The following ULK4 variants were observed in gnomAD, a reference collection of about 807,000 sequenced individuals.
ULK4 encodes unc-51 like kinase 4, also known as inactive serine/threonine-protein kinase ULK4.
A neutral mutation model predicts 160.6 loss-of-function variants in ULK4; 133 were observed. The observed-to-expected ratio is 0.83, with a 90% CI of 0.72 to 0.96. The LOEUF (loss-of-function observed/expected upper bound fraction) is 0.96. ULK4 is among the 40% of genes least tolerant of loss of function. ULK4 has a pLI of 0.00. For missense variants in ULK4, 1,580 were observed against 1,499.5 expected (o/e 1.05, Z -0.89); for synonymous variants, 534 against 539.8 (o/e 0.99, Z 0.15).
In ULK4 at chr3:41,540,059, CAG is replaced by C. The variant is rs536452557; in HGVS notation, c.3226+25964_3226+25965del. On this transcript the variant is annotated intron_variant, in intron 32 of 36. Coordinates refer to ENST00000301831, the MANE Select transcript of ULK4 (RefSeq NM_017886.4). ...ATGAAAATAAGTAATTTACAGAAAA[CAG>C]TGTTTTTTATTTATTATTATTATTA... 1.8e-4 allele frequency among the ~76,000 whole-genome samples: 27 copies of C among 152,034 alleles called. No individual in the cohort carries two copies. In the East Asian group the frequency reaches 5.2e-3, roughly 29 times the overall value.
intron 17 of ULK4, chr3:41,869,012 G>A (rs1444234753): frequency 6.6e-6 from 1 of 152,130 alleles, no homozygotes; most frequent in Non-Finnish European, 1.5e-5. Context: ...GACTAGTCAA[G>A]TGAAGCAGTG....
At chr3:41,589,604 C>G (rs2031126375) in intron 31 of ULK4, among the ~76,000 whole-genome samples, 1 of 152,024 alleles carries the variant, frequency 6.6e-6, no homozygotes, top group Admixed American at 6.5e-5. Flanking sequence ...ATGGCAATGC[C>G]TTAGAAACAG....
intron 20 of ULK4, among the ~76,000 whole-genome samples, chr3:41,792,246 A>G (rs1401941024): frequency 1.3e-5 from 2 of 152,164 alleles, no homozygotes; most frequent in Non-Finnish European, 2.9e-5. Context: ...ATTCACTTCT[A>G]AAAATCTGGT....
chr3:41,419,084 T>C (rs914872418), intron 34 of ULK4, among the ~76,000 whole-genome samples: 17 of 152,148 alleles, frequency 1.1e-4, no homozygotes, highest in African/African-American at 3.9e-4. Flanking sequence ...GATAGATTGA[T>C]AGATAAATGG....
intron 17 of ULK4, among the ~76,000 whole-genome samples, chr3:41,845,764 T>G (rs182438475): frequency 1.3e-5 from 2 of 152,178 alleles, no homozygotes; most frequent in African/African-American, 4.8e-5. Flanking sequence ...GTTTTGATAT[T>G]TGTCCCCCCC....
intron 35 of ULK4, among the ~76,000 whole-genome samples, chr3:41,265,394 A>T (rs532603341): frequency 1.3e-5 from 2 of 152,288 alleles, no homozygotes; most frequent in East Asian, 3.9e-4. Flanking sequence ...GGCCACGCAA[A>T]CTCAGTCATT....
In ULK4 at chr3:41,827,174, A is replaced by G. The variant is rs1424721137; in HGVS notation, c.1765-7668T>C. 1.4e-5 allele frequency among the ~76,000 whole-genome samples: 2 copies of G among 144,542 alleles called. 1 individual carries two copies. Among genetic ancestry groups the G allele is most frequent in the Non-Finnish European group, 3.0e-5 (2 of 65,956 alleles). The allele number at this position is 144,542 out of a possible 152,430, so 94.8% of individuals were successfully genotyped here. ...CATTCAAAGCAGTGTGTAGGGGGAA[A>G]TTTATAGCACTAAATGCCCACAAGA... On this transcript the variant is annotated intron_variant, in intron 18 of 36. Transcript: ENST00000301831.
intron 18 of ULK4, among the ~76,000 whole-genome samples, chr3:41,819,990 T>C (rs1215856864): frequency 6.6e-6 from 1 of 152,076 alleles, no homozygotes; most frequent in African/African-American, 2.4e-5. Flanking sequence ...AATGAGCAAA[T>C]AAGCGGGTAC....
chr3:41,928,268 T>A (rs1002559605), intron 5 of ULK4, among the ~76,000 whole-genome samples: 1 of 151,998 alleles, frequency 6.6e-6, no homozygotes, highest in African/African-American at 2.4e-5. Flanking sequence ...AATAATGAAA[T>A]GAAGGCAGAA....
intron 29 of ULK4, among the ~76,000 whole-genome samples, chr3:41,672,966 T>C (rs1313951861): frequency 1.3e-5 from 2 of 152,124 alleles, no homozygotes. Context: ...GCCTCCCAAG[T>C]AGCTAGGACT....
chr3:41,473,831 A>G (rs777192733), intron 32 of ULK4, among the ~76,000 whole-genome samples: 3 of 151,766 alleles, frequency 2.0e-5, no homozygotes, highest in Non-Finnish European at 4.4e-5. Flanking sequence ...GAAAAAGAAA[A>G]GAAATTAACA....
chr3:41,932,947 G>C (rs986646177), intron 4 of ULK4, among the ~76,000 whole-genome samples: 2 of 152,214 alleles, frequency 1.3e-5, no homozygotes, highest in Admixed American at 6.5e-5. Context: ...AGGAGGCTGA[G>C]GCACGAGAAT....
At chr3:41,533,298 G>T (rs1017775307) in intron 32 of ULK4, among the ~76,000 whole-genome samples, 1 of 152,156 alleles carries the variant, frequency 6.6e-6, no homozygotes, top group Non-Finnish European at 1.5e-5. Flanking sequence ...GAAGTTATTT[G>T]ACATAGTAAA....
At chr3:41,723,597 A>C (rs1325735440) in intron 22 of ULK4, among the ~76,000 whole-genome samples, 1 of 152,212 alleles carries the variant, frequency 6.6e-6, no homozygotes, top group Non-Finnish European at 1.5e-5. Context: ...TATTTGGCAA[A>C]ATCTGATTAA....
chr3:41,537,200 T>TTTG (rs1553607990), intron 32 of ULK4, among the ~76,000 whole-genome samples: 14 of 151,844 alleles, frequency 9.2e-5, no homozygotes, highest in African/African-American at 3.4e-4. Flanking sequence ...CCATTTTTTT[T>TTTG]TTGTTGCCAT....
intron 35 of ULK4, among the ~76,000 whole-genome samples, chr3:41,327,475 G>C (rs1372135741): frequency 6.6e-6 from 1 of 152,056 alleles, no homozygotes; most frequent in Non-Finnish European, 1.5e-5. Flanking sequence ...CACCTTCTCT[G>C]TAGTTTCCAG....
intron 21 of ULK4, among the ~76,000 whole-genome samples, chr3:41,784,787 A>T (rs1162818417): frequency 6.6e-6 from 1 of 152,186 alleles, no homozygotes; most frequent in Non-Finnish European, 1.5e-5. Context: ...ATAAACATCC[A>T]CTCAAGAAAA....
intron 32 of ULK4, among the ~76,000 whole-genome samples, chr3:41,556,487 C>CTTTTT (rs34888775): frequency 0.016 from 1,844 of 117,000 alleles, 117 homozygotes; most frequent in African/African-American, 0.055. Flanking sequence ...CTCTACCAAA[C>CTTTTT]TTTTTTTTTT....
intron 35 of ULK4, among the ~76,000 whole-genome samples, chr3:41,384,574 G>A (rs972013695): frequency 6.6e-6 from 1 of 152,030 alleles, no homozygotes; most frequent in Admixed American, 6.6e-5. Context: ...GGTATGGCTT[G>A]TAGAGTCTGT....
Sources: gnomAD v4.1 joint callset for allele counts (sites outside exome capture counted in the v4.1 genomes callset) on GRCh38, gnomAD v4.1.1 for gene constraint, MANE v1.5 for transcripts, NCBI Gene and HGNC (gene_info 2026-07-23, HGNC 2026-07-21) for gene names.